Variants in UBXN2A observed in about 807,000 individuals in gnomAD.
UBXN2A encodes the protein UBX domain-containing protein 2A.
UBXN2A carries 28 observed loss-of-function variants against 28.4 expected under a neutral mutation model. The observed-to-expected ratio is 0.99, with a 90% CI of 0.73 to 1.35. The LOEUF (loss-of-function observed/expected upper bound fraction) is 1.35, where lower values mean the gene tolerates loss of function less well. Among genes scored for constraint, UBXN2A ranks in the 40% most tolerant of loss-of-function variants. The pLI is 0.00. For missense variants in UBXN2A, 253 were observed against 297.9 expected (o/e 0.85, Z 1.11); for synonymous variants, 97 against 103.6 (o/e 0.94, Z 0.39).
intron 3 of UBXN2A, among the ~76,000 whole-genome samples, chr2:23,972,746 T>C (rs1302661008): frequency 6.6e-6 from 1 of 151,842 alleles, no homozygotes; most frequent in Non-Finnish European, 1.5e-5. Flanking sequence ...CGCGTGAACC[T>C]GGGAGGCGGA....
intron 6 of UBXN2A, among the ~76,000 whole-genome samples, chr2:23,992,353 A>G (rs187679702): frequency 6.6e-6 from 1 of 152,318 alleles, no homozygotes; most frequent in African/African-American, 2.4e-5. Context: ...TTGATGAGGA[A>G]GTGGATAGTT....
At chr2:23,991,351 T>G (rs562688269) in intron 6 of UBXN2A, among the ~76,000 whole-genome samples, 2 of 152,114 alleles carry the variant, frequency 1.3e-5, no homozygotes, top group East Asian at 3.9e-4. Context: ...CTGAGACCCC[T>G]TTAACAAAAG....
At chr2:23,945,924 A>G (rs1706055254) in intron 1 of UBXN2A, among the ~76,000 whole-genome samples, 1 of 150,568 alleles carries the variant, frequency 6.6e-6, no homozygotes. Context: ...TCTGCCTCCC[A>G]GGTTCAAGCA....
chr2:23,970,955 GTCAC>G (rs775012180), intron 2 of UBXN2A, among the ~76,000 whole-genome samples: 2 of 152,110 alleles, frequency 1.3e-5, no homozygotes, highest in African/African-American at 4.8e-5. Context: ...TTGTTCGCCT[GTCAC>G]TCACCACCTG....
chr2:23,969,608 G>A (rs1163803797), intron 2 of UBXN2A, among the ~76,000 whole-genome samples: 4 of 151,988 alleles, frequency 2.6e-5, no homozygotes, highest in Non-Finnish European at 2.9e-5. Flanking sequence ...TGATCCTCCC[G>A]CCTTGGCCTC....
upstream of UBXN2A, among the ~76,000 whole-genome samples, chr2:23,937,169 C>G (rs945843070): frequency 6.6e-6 from 1 of 152,168 alleles, no homozygotes; most frequent in Non-Finnish European, 1.5e-5. Flanking sequence ...CTCTTCATTT[C>G]TATTCAACAT....
At chr2:23,953,012 A>G (rs910093939) in intron 1 of UBXN2A, among the ~76,000 whole-genome samples, 3 of 150,022 alleles carry the variant, frequency 2.0e-5, no homozygotes, top group African/African-American at 7.4e-5. Context: ...GTCATAATAC[A>G]TCTTTTCATA....
At chr2:23,964,365 C>T (rs1558291724) in intron 2 of UBXN2A, among the ~76,000 whole-genome samples, 1 of 152,130 alleles carries the variant, frequency 6.6e-6, no homozygotes, top group Non-Finnish European at 1.5e-5. Context: ...CGTGTGCCAC[C>T]ACACCCGGCT....
chr2:23,937,435 A>G (rs1273548719), upstream of UBXN2A, among the ~76,000 whole-genome samples: 1 of 152,038 alleles, frequency 6.6e-6, no homozygotes, highest in Non-Finnish European at 1.5e-5. Context: ...CTGTGGTCCT[A>G]GCTACTCAGG....
intron 1 of UBXN2A, among the ~76,000 whole-genome samples, chr2:23,947,506 G>A (rs1052650369): frequency 7.9e-5 from 12 of 152,100 alleles, no homozygotes; most frequent in Non-Finnish European, 1.5e-4. Context: ...CTGCAGTATA[G>A]TACATGACTT....
In UBXN2A at chr2:24,000,301, C is replaced by T. The variant is rs574494839; in HGVS notation, c.*434C>T. ...GTTCATGCCTGTAATCCCAGAACTT[C>T]GGGAGGCCGAGACAGGCAGATCACG... On this transcript the variant is annotated 3_prime_UTR_variant, in exon 7 of 7. Transcript: ENST00000309033. The T allele has an allele frequency of 1.1e-3, 175 of 153,358 alleles. No individual in the cohort carries two copies. Among genetic ancestry groups the T allele is most frequent in the Non-Finnish European group, 2.3e-3 (156 of 68,952 alleles). 9.5% of individuals were successfully genotyped at this position (153,358 alleles called of 1,614,324 possible). A position where few individuals can be genotyped will look rare whatever the true frequency, so the allele number is the denominator to read the frequency against.
intron 1 of UBXN2A, chr2:23,944,019 A>G (rs1357756267): frequency 1.9e-6 from 1 of 537,394 alleles, no homozygotes; most frequent in Non-Finnish European, 3.6e-6. Context: ...CCACGTCACT[A>G]TCTAGAGTTG....
At chr2:23,946,336 G>GT (rs113243659) in intron 1 of UBXN2A, among the ~76,000 whole-genome samples, 123 of 139,870 alleles carry the variant, frequency 8.8e-4, no homozygotes, top group Admixed American at 1.4e-3. Context: ...GTTTTTTGTT[G>GT]TTTTTTTTTT....
chr2:23,928,780 A>G (rs573337960), intron 1 of UBXN2A, among the ~76,000 whole-genome samples: 1 of 152,050 alleles, frequency 6.6e-6, no homozygotes, highest in South Asian at 2.1e-4. Flanking sequence ...GGAAATGACA[A>G]TTTTTTTTGT....
intron 6 of UBXN2A, among the ~76,000 whole-genome samples, chr2:23,990,244 T>C (rs1312990225): frequency 6.6e-6 from 1 of 151,640 alleles, no homozygotes; most frequent in Non-Finnish European, 1.5e-5. Flanking sequence ...CTCTGCTTGG[T>C]AGACTGACAT....
chr2:23,942,369 C>G (rs1705805336), intron 1 of UBXN2A, among the ~76,000 whole-genome samples: 1 of 144,674 alleles, frequency 6.9e-6, no homozygotes, highest in Non-Finnish European at 1.5e-5. Context: ...GTGTGGAAAG[C>G]AAAAGGGTGC....
chr2:23,958,744 T>C (rs1706761623), intron 2 of UBXN2A, among the ~76,000 whole-genome samples: 1 of 152,232 alleles, frequency 6.6e-6, no homozygotes, highest in African/African-American at 2.4e-5. Context: ...CTCTGGCCTT[T>C]GGGCAGCTTA....
intron 2 of UBXN2A, 142 bp downstream of exon 2, chr2:23,958,497 A>AT (rs1558288092): frequency 2.8e-6 from 2 of 705,404 alleles, no homozygotes; most frequent in South Asian, 4.6e-5. Flanking sequence ...TGTTGAAGTA[A>AT]TTTTTTTACC....
At chr2:23,984,937 TG>T in intron 6 of UBXN2A, 106 bp downstream of exon 6, 1 of 1,277,922 alleles carries the variant, frequency 7.8e-7, no homozygotes, top group Non-Finnish European at 1.0e-6. Flanking sequence ...AATCTTTCTT[TG>T]TTGCCCAGGC....
Sources: gnomAD v4.1 joint callset for allele counts (sites outside exome capture counted in the v4.1 genomes callset) on GRCh38, gnomAD v4.1.1 for gene constraint, MANE v1.5 for transcripts, NCBI Gene and HGNC (gene_info 2026-07-23, HGNC 2026-07-21) for gene names.